The following LGSN variants were observed in gnomAD, a reference collection of about 807,000 sequenced individuals.
The protein encoded by LGSN is lengsin, lens protein with glutamine synthetase domain.
In LGSN, 21 loss-of-function variants were observed where a neutral mutation model predicts 19.5. That is an observed-to-expected ratio of 1.07 (90% confidence interval 0.76 to 1.55). The LOEUF is 1.55. LGSN is among the 40% of genes most tolerant of loss of function. LGSN has a pLI of 0.00. For synonymous variants in LGSN, 257 were observed against 215.6 expected (o/e 1.19, Z -1.68); for missense variants, 673 against 608.5 (o/e 1.11, Z -1.12).
chr6:63,354,683 C>T, the LGSN span, among the ~76,000 whole-genome samples: 1 of 152,130 alleles, frequency 6.6e-6, no homozygotes, highest in Non-Finnish European at 1.5e-5. Context: ...GACATCTGCG[C>T]TCACATATTT....
Position 63,280,155 on chromosome 6 carries a change from G to A in LGSN, c.1396C>T (p.Leu466=), listed in dbSNP as rs781105812. Residue 466 remains leucine (L), a synonymous_variant, in exon 4 of 4, where the codon CTG becomes TTG. Coordinates refer to ENST00000370657, the MANE Select transcript of LGSN (RefSeq NM_016571.3). ...PLKLEDALVA[L]EEDQCLRQAL... is the part of the protein sequence containing the mutation. ...TGTCTCAGGCATTGATCTTCTTCCA[G>A]TGCCACAAGGGCATCTTCTAGTTTT... is the stretch of plus-strand genomic sequence containing the variant. The A allele has an allele frequency of 6.2e-7, 1 of 1,614,198 alleles. No individual in the cohort carries two copies. Among genetic ancestry groups the A allele is most frequent in the Admixed American group, 1.7e-5 (1 of 60,030 alleles).
the LGSN span, among the ~76,000 whole-genome samples, chr6:63,531,769 G>T: frequency 1.3e-5 from 2 of 151,742 alleles, no homozygotes; most frequent in Non-Finnish European, 2.9e-5. Context: ...GTGATTACAG[G>T]CATGAACCAC....
the LGSN span, among the ~76,000 whole-genome samples, chr6:63,440,106 G>T: frequency 6.6e-6 from 1 of 152,170 alleles, no homozygotes; most frequent in South Asian, 2.1e-4. Flanking sequence ...GATTCTACTT[G>T]TAAGTTCTGA....
chr6:63,504,304 C>T, the LGSN span, among the ~76,000 whole-genome samples: 1 of 151,224 alleles, frequency 6.6e-6, no homozygotes, highest in Non-Finnish European at 1.5e-5. Context: ...TGCAGTGGTG[C>T]AATCTCGGCT....
chr6:63,381,725 T>C, the LGSN span, among the ~76,000 whole-genome samples: 1 of 152,230 alleles, frequency 6.6e-6, no homozygotes, highest in African/African-American at 2.4e-5. Flanking sequence ...TAAGAAGTTA[T>C]AATAAAATGC....
At chr6:63,485,882 C>T in the LGSN span, among the ~76,000 whole-genome samples, 14 of 152,074 alleles carry the variant, frequency 9.2e-5, no homozygotes, top group Non-Finnish European at 1.6e-4. Context: ...ACACGCACCA[C>T]CATGCCCAGC....
chr6:63,388,860 T>G, the LGSN span, among the ~76,000 whole-genome samples: 1 of 152,236 alleles, frequency 6.6e-6, no homozygotes, highest in African/African-American at 2.4e-5. Context: ...ATCAGAGTAT[T>G]GATAAGCAGG....
At chr6:63,483,099 T>C in the LGSN span, among the ~76,000 whole-genome samples, 7 of 152,176 alleles carry the variant, frequency 4.6e-5, no homozygotes, top group African/African-American at 1.4e-4. Context: ...TGCATCTCTA[T>C]TGGGAATGCT....
chr6:63,286,908 C>T (rs1767562143), intron 2 of LGSN, among the ~76,000 whole-genome samples: 1 of 152,146 alleles, frequency 6.6e-6, no homozygotes, highest in Non-Finnish European at 1.5e-5. Flanking sequence ...ACAGTAAGCA[C>T]CATGTAAGTG....
At chr6:63,507,448 A>G in the LGSN span, among the ~76,000 whole-genome samples, 1 of 152,134 alleles carries the variant, frequency 6.6e-6, no homozygotes, top group Admixed American at 6.6e-5. Context: ...TTTCATTTAT[A>G]TCATAAGTCT....
the LGSN span, among the ~76,000 whole-genome samples, chr6:63,341,099 T>C: frequency 1.3e-5 from 2 of 152,170 alleles, no homozygotes; most frequent in African/African-American, 4.8e-5. Context: ...GCTACACTTG[T>C]TAGTGTTGGC....
chr6:63,554,373 T>C, the LGSN span, among the ~76,000 whole-genome samples: 8,870 of 152,290 alleles, frequency 0.058, 361 homozygotes, highest in Non-Finnish European at 0.082. Flanking sequence ...ATACACTTTC[T>C]TCTAGACTGT....
At chr6:63,402,782 G>A in the LGSN span, among the ~76,000 whole-genome samples, 1 of 151,436 alleles carries the variant, frequency 6.6e-6, no homozygotes, top group African/African-American at 2.4e-5. Context: ...AGCTATAAAG[G>A]TTTTCTTTTT....
intron 2 of LGSN, among the ~76,000 whole-genome samples, chr6:63,290,324 A>G (rs1054571076): frequency 6.6e-6 from 1 of 152,230 alleles, no homozygotes; most frequent in African/African-American, 2.4e-5. Context: ...AGAGCTCATG[A>G]TACAAGATCT....
chr6:63,548,872 C>T, the LGSN span: 7 of 777,850 alleles, frequency 9.0e-6, no homozygotes, highest in Non-Finnish European at 1.6e-5. Context: ...GCCAAAGCGC[C>T]TTTGTCTTCT....
chr6:63,413,926 T>C, the LGSN span, among the ~76,000 whole-genome samples: 5 of 152,198 alleles, frequency 3.3e-5, no homozygotes, highest in Non-Finnish European at 7.4e-5. Context: ...TAAATCACCA[T>C]GGCTATCTTG....
At chr6:63,336,561 G>GTGTGTGTATATA in the LGSN span, among the ~76,000 whole-genome samples, 3 of 127,578 alleles carry the variant, frequency 2.4e-5, no homozygotes, top group African/African-American at 8.9e-5. Flanking sequence ...GTGTGTGTGT[G>GTGTGTGTATATA]TATATATATA....
At chr6:63,508,276 T>C in the LGSN span, among the ~76,000 whole-genome samples, 11 of 152,136 alleles carry the variant, frequency 7.2e-5, no homozygotes, top group Non-Finnish European at 1.5e-4. Context: ...AAAAACAACT[T>C]CCTAAAAACT....
At chr6:63,487,112 G>C in the LGSN span, among the ~76,000 whole-genome samples, 1 of 152,074 alleles carries the variant, frequency 6.6e-6, no homozygotes, top group Non-Finnish European at 1.5e-5. Flanking sequence ...TGGGATTACA[G>C]GTGTGAGCCA....
Sources: allele counts gnomAD v4.1 joint callset (sites outside exome capture counted in the v4.1 genomes callset), GRCh38; gene constraint gnomAD v4.1.1; transcripts MANE v1.5; gene names NCBI Gene and HGNC (gene_info 2026-07-23, HGNC 2026-07-21).